The following DCAF1 variants were observed in gnomAD, a reference collection of about 807,000 sequenced individuals.
DCAF1 encodes DDB1 and CUL4 associated factor 1.
DCAF1 carries 15 observed loss-of-function variants against 128.0 expected under a neutral mutation model. The ratio of observed to expected loss-of-function variants is 0.12; its 90% CI spans 0.08 to 0.18. DCAF1 has a LOEUF of 0.18. DCAF1 is among the 10% of genes least tolerant of loss of function. The pLI is 1.00. For missense variants in DCAF1, 988 were observed against 1,649.5 expected (o/e 0.60, Z 6.95); for synonymous variants, 610 against 603.0 (o/e 1.01, Z -0.17).
chr3:51,459,629 C>T (rs1703317418), intron 6 of DCAF1, among the ~76,000 whole-genome samples: 1 of 152,190 alleles, frequency 6.6e-6, no homozygotes, highest in Non-Finnish European at 1.5e-5. Context: ...GACCAATATC[C>T]TTGATGAACA....
At chr3:51,500,765 G>A (rs1192890134), upstream of DCAF1, among the ~76,000 whole-genome samples, 2 of 149,510 alleles carry the variant, frequency 1.3e-5, no homozygotes, top group Non-Finnish European at 3.0e-5. Context: ...TGGCCAGGCT[G>A]TTCTCGAACT....
At chr3:51,488,897 G>A (rs1553656671) in intron 2 of DCAF1, among the ~76,000 whole-genome samples, 2 of 152,052 alleles carry the variant, frequency 1.3e-5, no homozygotes, top group East Asian at 1.9e-4. Context: ...CCTGGGAGGC[G>A]GAGGTTGCAG....
At chr3:51,499,040 G>C (rs1232223531) in intron 1 of DCAF1, among the ~76,000 whole-genome samples, 2 of 152,180 alleles carry the variant, frequency 1.3e-5, no homozygotes, top group Admixed American at 1.3e-4. Flanking sequence ...GGCCAAGGAC[G>C]AGTCATTTGT....
At chr3:51,436,979 A>G (rs1700887787) in intron 9 of DCAF1, among the ~76,000 whole-genome samples, 2 of 152,294 alleles carry the variant, frequency 1.3e-5, no homozygotes, top group South Asian at 4.1e-4. Context: ...AAAAAAAGAG[A>G]GAGACAGGTG....
At chr3:51,462,984 T>C (rs1703767161) in intron 6 of DCAF1, 130 bp downstream of exon 6, 1 of 439,678 alleles carries the variant, frequency 2.3e-6, no homozygotes, top group Non-Finnish European at 3.7e-6. Flanking sequence ...CAGGATTTCT[T>C]AGATTTTTAT....
chr3:51,456,411 C>T (rs1293694113), intron 6 of DCAF1, among the ~76,000 whole-genome samples: 2 of 152,154 alleles, frequency 1.3e-5, no homozygotes, highest in Non-Finnish European at 2.9e-5. Flanking sequence ...ACAAAGCAGC[C>T]CGGAAGCTCA....
chr3:51,423,506 A>G (rs1413272894), intron 13 of DCAF1, among the ~76,000 whole-genome samples: 1 of 147,214 alleles, frequency 6.8e-6, no homozygotes, highest in South Asian at 2.1e-4. Context: ...TGTCTCCACA[A>G]AAAAAAAAAA....
chr3:51,457,980 T>C (rs1473360051), intron 6 of DCAF1, among the ~76,000 whole-genome samples: 1 of 152,080 alleles, frequency 6.6e-6, no homozygotes, highest in Non-Finnish European at 1.5e-5. Flanking sequence ...TAAAGACCAT[T>C]AACGCTAGGA....
At position 51,416,324 on chromosome 3, in the gene DCAF1, G is replaced by A. The variant is rs771744790; in HGVS notation, c.3603+463C>T. 7.9e-5 allele frequency among the ~76,000 whole-genome samples: 12 copies of A among 151,934 alleles called. 1 individual carries two copies. Among genetic ancestry groups the A allele is most frequent in the South Asian group, 2.1e-4 (1 of 4,798 alleles). ...TCCTCCAGGTATCTTCCTGAATCTC[G>A]CGTTTCCTTCAAGGCTCTGCTTAAA... is the stretch of plus-strand genomic sequence containing the variant. On this transcript the variant is annotated intron_variant, in intron 18 of 24. Transcript: ENST00000684031.
intron 11 of DCAF1, 56 bp downstream of exon 11, chr3:51,429,977 A>C: frequency 1.3e-6 from 1 of 762,150 alleles, no homozygotes; most frequent in Non-Finnish European, 2.4e-6. Flanking sequence ...GTTAAAGGGC[A>C]GCCAAGACAA....
downstream of DCAF1, chr3:51,397,673 G>A (rs894019247): frequency 3.0e-5 from 5 of 166,686 alleles, no homozygotes; most frequent in Admixed American, 2.0e-4. Context: ...AGAGCTACAC[G>A]GCAGGGGCAG....
intron 3 of DCAF1, among the ~76,000 whole-genome samples, chr3:51,472,222 T>C (rs1704836247): frequency 6.6e-6 from 1 of 152,174 alleles, no homozygotes; most frequent in Non-Finnish European, 1.5e-5. Flanking sequence ...TCGGTCACTG[T>C]TCTTCAAAGA....
intron 14 of DCAF1, among the ~76,000 whole-genome samples, chr3:51,421,316 G>A (rs1202286992): frequency 6.6e-6 from 1 of 152,144 alleles, no homozygotes; most frequent in Admixed American, 6.5e-5. Flanking sequence ...GAGTGCAGTG[G>A]CGTGATCTTG....
intron 2 of DCAF1, among the ~76,000 whole-genome samples, chr3:51,485,205 G>A (rs958862516): frequency 2.8e-4 from 43 of 152,170 alleles, no homozygotes; most frequent in African/African-American, 7.2e-4. Flanking sequence ...GTGACCCACC[G>A]CGCCCAGCTC....
At chr3:51,397,532 T>A (rs1190910271), downstream of DCAF1, 1 of 167,162 alleles carries the variant, frequency 6.0e-6, no homozygotes, top group Admixed American at 6.5e-5. Context: ...CCCTTTCCAG[T>A]TCTACCAAAT....
intron 1 of DCAF1, among the ~76,000 whole-genome samples, chr3:51,498,291 C>T (rs1410831093): frequency 6.9e-6 from 1 of 145,680 alleles, no homozygotes; most frequent in Non-Finnish European, 1.5e-5. Context: ...ACCTGGGAGG[C>T]GGAGGTTGCA....
At chr3:51,492,062 G>A (rs920448844) in intron 2 of DCAF1, among the ~76,000 whole-genome samples, 6 of 150,464 alleles carry the variant, frequency 4.0e-5, no homozygotes, top group South Asian at 2.1e-4. Context: ...GGGGCTGAGG[G>A]AGGGGAATCG....
upstream of DCAF1, among the ~76,000 whole-genome samples, chr3:51,504,845 G>A (rs1708903234): frequency 6.6e-6 from 1 of 152,074 alleles, no homozygotes; most frequent in East Asian, 1.9e-4. Context: ...CTGGCACGGT[G>A]GCTCACACCT....
At position 51,473,501 on chromosome 3, in the gene DCAF1, AC is replaced by A. The variant is rs201846918; in HGVS notation, c.111-2497del. On this transcript the variant is annotated intron_variant, in intron 3 of 24. Coordinates refer to ENST00000684031, the MANE Select transcript of DCAF1 (RefSeq NM_001387579.1). ...ATGAGACTCCATCTCAAAAAAAAAA[AC>A]AAAAAACAAAACACCAAAAACCAGA... 1.7e-3 allele frequency among the ~76,000 whole-genome samples: 240 copies of A among 142,900 alleles called. 12 individuals are homozygous for A. Among genetic ancestry groups the A allele is most frequent in the Middle Eastern group, 7.3e-3 (2 of 274 alleles). 93.7% of individuals were successfully genotyped at this position (142,900 alleles called of 152,430 possible). A position where few individuals can be genotyped will look rare whatever the true frequency, so the allele number is the denominator to read the frequency against.
Sources: allele counts gnomAD v4.1 joint callset (sites outside exome capture counted in the v4.1 genomes callset), GRCh38; gene constraint gnomAD v4.1.1; transcripts MANE v1.5; gene names NCBI Gene and HGNC (gene_info 2026-07-23, HGNC 2026-07-21).